The following SYT9 variants were observed in gnomAD, a reference collection of about 807,000 sequenced individuals.
SYT9 encodes synaptotagmin-9.
In SYT9, 22 loss-of-function variants were observed where a neutral mutation model predicts 48.4. The observed-to-expected ratio is 0.45, with a 90% CI of 0.32 to 0.65. The LOEUF is 0.65. SYT9 is among the 30% of genes least tolerant of loss of function. The pLI, the probability that SYT9 is intolerant of heterozygous loss-of-function variation, is 0.03. For missense variants in SYT9, 577 were observed against 622.0 expected, an observed-to-expected ratio of 0.93 and a Z score of 0.77; for synonymous variants, 265 against 245.0, an observed-to-expected ratio of 1.08 and a Z score of -0.76.
At chr11:7,285,942 CT>C (rs997284398) in intron 1 of SYT9, among the ~76,000 whole-genome samples, 80 of 152,350 alleles carry the variant, frequency 5.3e-4, no homozygotes, top group African/African-American at 4.3e-4. Context: ...AGCTCCACCC[CT>C]GTGGCTTTGC....
chr11:7,276,055 T>C (rs578051002), intron 1 of SYT9, among the ~76,000 whole-genome samples: 1 of 152,348 alleles, frequency 6.6e-6, no homozygotes, highest in South Asian at 2.1e-4. Context: ...AAATATTAAG[T>C]GAGTGAATAC....
chr11:7,245,854 G>A (rs1385384837), intron 1 of SYT9, among the ~76,000 whole-genome samples: 1 of 152,150 alleles, frequency 6.6e-6, no homozygotes, highest in African/African-American at 2.4e-5. Context: ...ATTTCAACAT[G>A]TATTTTTGTC....
intron 1 of SYT9, among the ~76,000 whole-genome samples, chr11:7,267,598 A>G (rs145964049): frequency 0.013 from 2,000 of 152,058 alleles, 39 homozygotes; most frequent in African/African-American, 0.043. Flanking sequence ...CTAGATGACA[A>G]TTTCTAATTC....
At chr11:7,434,405 G>C (rs144156783) in intron 6 of SYT9, among the ~76,000 whole-genome samples, 1 of 152,152 alleles carries the variant, frequency 6.6e-6, no homozygotes, top group Non-Finnish European at 1.5e-5. Flanking sequence ...GCAGGGATTA[G>C]GGTGGGCTTC....
At chr11:7,439,638 C>A (rs990207412) in intron 6 of SYT9, 4 of 152,404 alleles carry the variant, frequency 2.6e-5, no homozygotes, top group African/African-American at 9.6e-5. Flanking sequence ...GGAAATCAGA[C>A]TTTAGCAAAT....
chr11:7,417,331 G>T (rs1847271577), intron 4 of SYT9, among the ~76,000 whole-genome samples: 1 of 152,166 alleles, frequency 6.6e-6, no homozygotes, highest in Non-Finnish European at 1.5e-5. Flanking sequence ...AGGACCAGAA[G>T]AGCCCTATCT....
intron 3 of SYT9, among the ~76,000 whole-genome samples, chr11:7,360,599 A>C (rs1414690336): frequency 6.6e-6 from 1 of 152,072 alleles, no homozygotes; most frequent in African/African-American, 2.4e-5. Context: ...TAGGTATTTT[A>C]TTCTCTTTGA....
chr11:7,273,680 A>G (rs1053238096), intron 1 of SYT9, among the ~76,000 whole-genome samples: 1 of 152,206 alleles, frequency 6.6e-6, no homozygotes, highest in African/African-American at 2.4e-5. Flanking sequence ...AGCTTGTCCT[A>G]CATAAACTCA....
At chr11:7,332,726 G>C (rs986977760) in intron 3 of SYT9, among the ~76,000 whole-genome samples, 2 of 152,212 alleles carry the variant, frequency 1.3e-5, no homozygotes, top group African/African-American at 4.8e-5. Flanking sequence ...AGCTGAGGTG[G>C]ACTTTTGCTG....
At chr11:7,340,496 C>CT (rs112423531) in intron 3 of SYT9, among the ~76,000 whole-genome samples, 3,649 of 152,250 alleles carry the variant, frequency 0.024, 143 homozygotes, top group African/African-American at 0.082. Context: ...TGTGGGTATT[C>CT]TTTTAACTGC....
At chr11:7,280,224 C>T (rs556882893) in intron 1 of SYT9, among the ~76,000 whole-genome samples, 1 of 152,228 alleles carries the variant, frequency 6.6e-6, no homozygotes, top group Non-Finnish European at 1.5e-5. Context: ...AATTGATTCT[C>T]ACAGAATGCT....
intron 1 of SYT9, among the ~76,000 whole-genome samples, chr11:7,284,478 G>T (rs927077024): frequency 6.6e-6 from 1 of 152,042 alleles, no homozygotes; most frequent in East Asian, 1.9e-4. Context: ...ATTAAATAGT[G>T]ATTTGGCTAA....
At chr11:7,338,972 G>A (rs1849672300) in intron 3 of SYT9, among the ~76,000 whole-genome samples, 1 of 152,150 alleles carries the variant, frequency 6.6e-6, no homozygotes, top group African/African-American at 2.4e-5. Flanking sequence ...TTGTGTGAGA[G>A]TATAAGTATT....
intron 3 of SYT9, among the ~76,000 whole-genome samples, chr11:7,399,307 T>C (rs988588004): frequency 2.0e-5 from 3 of 152,056 alleles, no homozygotes; most frequent in African/African-American, 4.8e-5. Context: ...ATTTAAAAAA[T>C]TGAAAAACAC....
chr11:7,287,589 C>G (rs1293059915), intron 1 of SYT9, among the ~76,000 whole-genome samples: 5 of 152,170 alleles, frequency 3.3e-5, no homozygotes, highest in Admixed American at 3.3e-4. Flanking sequence ...GTTGTGGTCT[C>G]TATCCTTAGT....
chr11:7,420,779 C>A, intron 6 of SYT9, 144 bp downstream of exon 6: 2 of 996,972 alleles, frequency 2.0e-6, no homozygotes, highest in Non-Finnish European at 2.9e-6. Flanking sequence ...GCTGTTGGGA[C>A]TTGCATTCAA....
intron 3 of SYT9, among the ~76,000 whole-genome samples, chr11:7,411,315 G>C (rs1564894175): frequency 6.6e-6 from 1 of 151,744 alleles, no homozygotes; most frequent in African/African-American, 2.4e-5. Flanking sequence ...TTCCTCATTT[G>C]TGTGTTTGGT....
chr11:7,462,596 ATCAGAT>A (rs1808462288), intron 6 of SYT9, among the ~76,000 whole-genome samples: 1 of 152,266 alleles, frequency 6.6e-6, no homozygotes, highest in Admixed American at 6.5e-5. Flanking sequence ...AGTCAACAAA[ATCAGAT>A]TCTAAACCAG....
chr11:7,297,661 TAC>T (rs1848839092), intron 1 of SYT9, among the ~76,000 whole-genome samples: 1 of 152,196 alleles, frequency 6.6e-6, no homozygotes, highest in Non-Finnish European at 1.5e-5. Context: ...GTTTCTCATG[TAC>T]ACTGTGTTTT....
Sources: gnomAD v4.1 joint callset for allele counts (sites outside exome capture counted in the v4.1 genomes callset) on GRCh38, gnomAD v4.1.1 for gene constraint, MANE v1.5 for transcripts, NCBI Gene and HGNC (gene_info 2026-07-23, HGNC 2026-07-21) for gene names.